Variants in CHD9 observed in about 807,000 individuals in gnomAD.
CHD9 encodes the protein ATP-dependent chromatin remodeler CHD9.
Under a neutral mutation model 316.1 loss-of-function variants are expected in CHD9, and 77 were observed. That is an observed-to-expected ratio of 0.24 (90% CI 0.20 to 0.29). CHD9 has a LOEUF of 0.29. Ranked by LOEUF, CHD9 falls within the 10% of genes least tolerant of loss-of-function variation. The pLI is 1.00. For synonymous variants in CHD9, 1,129 were observed against 1,158.3 expected (o/e 0.97, Z 0.51); for missense variants, 2,763 against 3,438.1 (o/e 0.80, Z 4.91).
At chr16:53,180,450 CA>C (rs1205020083) in intron 2 of CHD9, among the ~76,000 whole-genome samples, 1 of 152,070 alleles carries the variant, frequency 6.6e-6, no homozygotes, top group Non-Finnish European at 1.5e-5. Flanking sequence ...ATTTTATCTT[CA>C]GGGGAGAGAA....
At chr16:53,174,464 G>A (rs971246250) in intron 2 of CHD9, among the ~76,000 whole-genome samples, 14 of 151,892 alleles carry the variant, frequency 9.2e-5, no homozygotes, top group Non-Finnish European at 1.9e-4. Flanking sequence ...ATTTAGACTT[G>A]TTTCTATGGC....
chr16:53,237,722 T>G (rs2048749823), intron 11 of CHD9, among the ~76,000 whole-genome samples: 1 of 152,182 alleles, frequency 6.6e-6, no homozygotes, highest in Admixed American at 6.5e-5. Context: ...ATACTGATGA[T>G]TCTTAATTGG....
intron 2 of CHD9, among the ~76,000 whole-genome samples, chr16:53,159,579 T>C (rs2041767366): frequency 6.6e-6 from 1 of 152,152 alleles, no homozygotes; most frequent in Non-Finnish European, 1.5e-5. Flanking sequence ...AAAAAATCTT[T>C]GTCTTTCCCA....
At chr16:53,122,673 T>C (rs959361333) in intron 1 of CHD9, among the ~76,000 whole-genome samples, 2 of 151,664 alleles carry the variant, frequency 1.3e-5, no homozygotes, top group African/African-American at 4.8e-5. Context: ...GCCTCCTGAG[T>C]AGCTTGGATT....
chr16:53,218,132 G>T (rs1412637548), intron 3 of CHD9, among the ~76,000 whole-genome samples: 1 of 151,978 alleles, frequency 6.6e-6, no homozygotes, highest in African/African-American at 2.4e-5. Context: ...GATTTAGAAG[G>T]TTTAGTAGGG....
intron 2 of CHD9, among the ~76,000 whole-genome samples, chr16:53,194,587 T>A: frequency 6.6e-6 from 1 of 152,090 alleles, no homozygotes; most frequent in East Asian, 1.9e-4. Context: ...GATAAAATTT[T>A]AAAAATAAAG....
rs767111361 is a variant in CHD9, at chr16:53,324,176, T to C, written c.7975T>C (p.Leu2659=). 2 of 1,614,032 alleles carry C rather than the reference T, an allele frequency of 1.2e-6. No individual in the cohort carries two copies. Among genetic ancestry groups the C allele is most frequent in the Non-Finnish European group, 8.5e-7 (1 of 1,179,896 alleles). Reference sequence around the variant, plus strand: ...CACCAGTGTTTCAGGCAATCCTTTGTTAGCCAATGGACTACTTCCAGGTGT... The same window carrying C: ...CACCAGTGTTTCAGGCAATCCTTTGCTAGCCAATGGACTACTTCCAGGTGT... ...SATSVSGNPL[L]ANGLLPGVDL... is the part of the protein sequence containing the mutation. The change falls in exon 39 of 39, where the codon TTA becomes CTA. Residue 2659 remains leucine (L), a synonymous_variant. Coordinates refer to ENST00000447540, the MANE Select transcript of CHD9 (RefSeq NM_001308319.2).
chr16:53,235,560 A>G (rs916335561), intron 11 of CHD9, among the ~76,000 whole-genome samples: 1 of 152,186 alleles, frequency 6.6e-6, no homozygotes, highest in African/African-American at 2.4e-5. Flanking sequence ...CCTTTCCAAG[A>G]GTCCTAAGAA....
chr16:53,191,810 C>T (rs2044499787), intron 2 of CHD9, among the ~76,000 whole-genome samples: 1 of 152,028 alleles, frequency 6.6e-6, no homozygotes, highest in African/African-American at 2.4e-5. Flanking sequence ...TACTGGGTCA[C>T]AAGTTTATGT....
At chr16:53,265,768 GC>G (rs150532749) in intron 20 of CHD9, among the ~76,000 whole-genome samples, 1,738 of 152,126 alleles carry the variant, frequency 0.011, 30 homozygotes, top group African/African-American at 0.04. Context: ...GAAGTGATTG[GC>G]ATATTTAACT....
At chr16:53,074,179 C>G (rs1414033272) in intron 1 of CHD9, among the ~76,000 whole-genome samples, 3 of 152,074 alleles carry the variant, frequency 2.0e-5, no homozygotes, top group Non-Finnish European at 4.4e-5. Context: ...TTGCCCTTGC[C>G]CTAGAGATTT....
At chr16:53,071,721 C>G (rs1299394482) in intron 1 of CHD9, among the ~76,000 whole-genome samples, 2 of 152,164 alleles carry the variant, frequency 1.3e-5, no homozygotes, top group Non-Finnish European at 2.9e-5. Flanking sequence ...GCTCGCCCAC[C>G]CCTCGGTCCT....
chr16:53,262,657 C>T (rs528149312), intron 19 of CHD9, among the ~76,000 whole-genome samples: 11 of 152,066 alleles, frequency 7.2e-5, no homozygotes, highest in Non-Finnish European at 1.6e-4. Flanking sequence ...GTTCTCTAAC[C>T]TAATTTCTTA....
intron 1 of CHD9, among the ~76,000 whole-genome samples, chr16:53,119,114 G>GC (rs889465462): frequency 3.3e-5 from 5 of 151,670 alleles, no homozygotes; most frequent in African/African-American, 9.7e-5. Context: ...TCTAAAGAAG[G>GC]CCCCCCAACC....
intron 24 of CHD9, among the ~76,000 whole-genome samples, chr16:53,277,955 C>T (rs1597784970): frequency 6.6e-6 from 1 of 151,806 alleles, no homozygotes; most frequent in Non-Finnish European, 1.5e-5. Flanking sequence ...CTCTCCTGTA[C>T]ACCAGCAGCG....
chr16:53,157,116 T>C lies in CHD9; in HGVS notation c.1027T>C (p.Ser343Pro). The C allele has an allele frequency of 6.2e-7, 1 of 1,611,034 alleles. No individual in the cohort carries two copies. Among genetic ancestry groups the C allele is most frequent in the Non-Finnish European group, 8.5e-7 (1 of 1,178,166 alleles). Residue 343 changes from serine (S) to proline (P), a missense_variant, in exon 2 of 39, where the codon TCA becomes CCA. This residue lies in a region of CHD9 where 859 missense variants were observed against 890.4 expected (regional missense o/e 0.96). Coordinates refer to ENST00000447540, the MANE Select transcript of CHD9 (RefSeq NM_001308319.2). ...AAATAATTTCCAAATATTGCATTCA[T>C]CACATCCTCAGGGTAATTATAGCAA... ...NSNNFQILHSSHPQGNYSNSK... is the reference protein window; with the variant it reads ...NSNNFQILHSPHPQGNYSNSK...
At chr16:53,251,129 G>A (rs2050092264) in intron 17 of CHD9, among the ~76,000 whole-genome samples, 1 of 152,100 alleles carries the variant, frequency 6.6e-6, no homozygotes, top group Non-Finnish European at 1.5e-5. Flanking sequence ...CAAGCTTTGT[G>A]TGCCACATAA....
chr16:53,074,908 A>T (rs891517627), intron 1 of CHD9, among the ~76,000 whole-genome samples: 2 of 152,150 alleles, frequency 1.3e-5, no homozygotes, highest in Non-Finnish European at 2.9e-5. Context: ...CTGTGAGAAG[A>T]GGGCCACCAT....
At chr16:53,107,124 G>A (rs1013719140) in intron 1 of CHD9, among the ~76,000 whole-genome samples, 1 of 152,000 alleles carries the variant, frequency 6.6e-6, no homozygotes, top group East Asian at 1.9e-4. Context: ...GCAATATAGC[G>A]AGACCCTGTC....
Sources: gnomAD v4.1 joint callset for allele counts (sites outside exome capture counted in the v4.1 genomes callset) on GRCh38, gnomAD v4.1.1 for gene constraint, gnomAD v4.1.1 regional missense constraint, MANE v1.5 for transcripts, NCBI Gene and HGNC (gene_info 2026-07-23, HGNC 2026-07-21) for gene names.